ENOX1: variants seen among roughly 807,000 people sequenced by gnomAD.
ENOX1 encodes ecto-NOX disulfide-thiol exchanger 1, also known as candidate growth-related and time keeping constitutive hydroquinone (NADH) oxidase.
ENOX1 carries 42 observed loss-of-function variants against 82.5 expected under a neutral mutation model. That is an observed-to-expected ratio of 0.51 (90% CI 0.40 to 0.66). The LOEUF (loss-of-function observed/expected upper bound fraction) is 0.66, where lower values mean the gene tolerates loss of function less well. Ranked by LOEUF, ENOX1 falls within the 30% of genes least tolerant of loss-of-function variation. The pLI, the probability that ENOX1 is intolerant of heterozygous loss-of-function variation, is 0.00. For missense variants in ENOX1, 608 were observed against 811.6 expected, an observed-to-expected ratio of 0.75 and a Z score of 3.05; for synonymous variants, 271 against 282.2, an observed-to-expected ratio of 0.96 and a Z score of 0.40.
At chr13:43,628,927 A>C (rs1952547) in intron 2 of ENOX1, among the ~76,000 whole-genome samples, 151,067 of 152,268 alleles carry the variant, frequency 0.99, 74,948 homozygotes, top group Middle Eastern at 1. Flanking sequence ...TGAGGGTAGC[A>C]CCATGACCAC....
Position 43,336,104 on chromosome 13 carries a change from G to C in ENOX1, c.1036+8434C>G, listed in dbSNP as rs149194587. Reference sequence around the variant, plus strand: ...TACAGCAATGACTGCTACAGACATGGGCAAACATTTTAACACTTCATAAAA... The same window carrying C: ...TACAGCAATGACTGCTACAGACATGCGCAAACATTTTAACACTTCATAAAA... On this transcript the variant is annotated intron_variant, in intron 9 of 16. Transcript: ENST00000690772. Among the ~76,000 whole-genome samples, 377 of 152,300 alleles carry C rather than the reference G, an allele frequency of 2.5e-3. 2 individuals are homozygous for C. Among genetic ancestry groups the C allele is most frequent in the African/African-American group, 8.3e-3 (345 of 41,556 alleles).
At chr13:43,534,880 C>T (rs1019259117) in intron 2 of ENOX1, among the ~76,000 whole-genome samples, 5 of 152,186 alleles carry the variant, frequency 3.3e-5, no homozygotes, top group Non-Finnish European at 7.3e-5. Flanking sequence ...AAAATGACAA[C>T]AGGTTAAGAA....
At chr13:43,234,109 G>A (rs555728970) in intron 15 of ENOX1, among the ~76,000 whole-genome samples, 13 of 152,254 alleles carry the variant, frequency 8.5e-5, no homozygotes, top group South Asian at 2.1e-4. Flanking sequence ...CTTTATGGAC[G>A]CAAGATTCAG....
At chr13:43,747,709 G>C (rs1301565134) in intron 1 of ENOX1, among the ~76,000 whole-genome samples, 1 of 152,166 alleles carries the variant, frequency 6.6e-6, no homozygotes, top group Non-Finnish European at 1.5e-5. Context: ...AACATTTTGA[G>C]GACCTAGATG....
chr13:43,667,794 G>C (rs2085061411), intron 1 of ENOX1, among the ~76,000 whole-genome samples: 1 of 152,190 alleles, frequency 6.6e-6, no homozygotes, highest in Non-Finnish European at 1.5e-5. Flanking sequence ...ATCTTTCAAA[G>C]AGTATTTCTG....
chr13:43,729,505 TC>T (rs556710323), intron 1 of ENOX1, among the ~76,000 whole-genome samples: 102 of 152,316 alleles, frequency 6.7e-4, no homozygotes, highest in African/African-American at 2.3e-3. Flanking sequence ...GAGTTTTTAA[TC>T]TACTTTTCAT....
At chr13:43,533,790 A>T (rs1443867247) in intron 2 of ENOX1, among the ~76,000 whole-genome samples, 2 of 152,164 alleles carry the variant, frequency 1.3e-5, no homozygotes, top group African/African-American at 4.8e-5. Flanking sequence ...TGGGAGACCT[A>T]CCTAAGTAAC....
At chr13:43,235,997 A>T (rs2042530796) in intron 15 of ENOX1, among the ~76,000 whole-genome samples, 1 of 152,204 alleles carries the variant, frequency 6.6e-6, no homozygotes, top group Non-Finnish European at 1.5e-5. Context: ...CAGGCATCTA[A>T]GATGGGCTTC....
chr13:43,759,257 C>T (rs1322419617), intron 1 of ENOX1, among the ~76,000 whole-genome samples: 5 of 151,806 alleles, frequency 3.3e-5, no homozygotes, highest in African/African-American at 1.2e-4. Flanking sequence ...CCACCACGCC[C>T]GGCTAATTTT....
chr13:43,732,447 T>C (rs186673184), intron 1 of ENOX1, among the ~76,000 whole-genome samples: 31 of 152,332 alleles, frequency 2.0e-4, no homozygotes, highest in African/African-American at 7.5e-4. Flanking sequence ...GCACCTAGAA[T>C]GTGTTTCCAT....
In ENOX1 at chr13:43,654,425, C is replaced by T. The variant is rs139067738; in HGVS notation, c.-219+13054G>A. Among the ~76,000 whole-genome samples the T allele has an allele frequency of 1.0e-3, 158 of 152,278 alleles. 3 individuals carry two copies. The East Asian group carries it at 0.027, about 26-fold the overall frequency. ...CTTAAAATAAATCTCTTCATAAATA[C>T]ATATTTATGTATCTAATGTATAGAT... On this transcript the variant is annotated intron_variant, in intron 2 of 16. Coordinates refer to ENST00000690772, the MANE Select transcript of ENOX1 (RefSeq NM_001347969.2).
intron 11 of ENOX1, among the ~76,000 whole-genome samples, chr13:43,317,792 T>C (rs1464402652): frequency 1.3e-5 from 2 of 151,252 alleles, no homozygotes; most frequent in African/African-American, 4.9e-5. Flanking sequence ...GCTCACTAAG[T>C]CAGGAGATCG....
At chr13:43,759,837 TC>T (rs1210957475) in intron 1 of ENOX1, among the ~76,000 whole-genome samples, 1 of 152,208 alleles carries the variant, frequency 6.6e-6, no homozygotes, top group Non-Finnish European at 1.5e-5. Context: ...TTAGGGCATA[TC>T]CACCCACCCA....
At chr13:43,535,681 C>A (rs755756033) in intron 2 of ENOX1, among the ~76,000 whole-genome samples, 1 of 152,056 alleles carries the variant, frequency 6.6e-6, no homozygotes, top group Non-Finnish European at 1.5e-5. Flanking sequence ...CTACTTGCTC[C>A]CCATGGTATT....
At chr13:43,245,974 G>A (rs894066415) in intron 14 of ENOX1, among the ~76,000 whole-genome samples, 18 of 152,100 alleles carry the variant, frequency 1.2e-4, no homozygotes, top group African/African-American at 4.3e-4. Flanking sequence ...CTCACACGAA[G>A]GACCCTTTAA....
chr13:43,665,750 A>C (rs2153787940), intron 2 of ENOX1, among the ~76,000 whole-genome samples: 1 of 151,752 alleles, frequency 6.6e-6, no homozygotes, highest in East Asian at 1.9e-4. Flanking sequence ...CTCATTTATG[A>C]GGTTGTTTAG....
chr13:43,526,971 T>C (rs138375162), intron 2 of ENOX1, among the ~76,000 whole-genome samples: 49 of 152,146 alleles, frequency 3.2e-4, no homozygotes, highest in Non-Finnish European at 6.6e-4. Flanking sequence ...TCCTCCCCTC[T>C]GGAGGATGCA....
chr13:43,649,369 T>C (rs1431154089), intron 2 of ENOX1, among the ~76,000 whole-genome samples: 2 of 152,186 alleles, frequency 1.3e-5, no homozygotes, highest in African/African-American at 4.8e-5. Context: ...GTTAGTTTGT[T>C]CTACAGATGC....
At chr13:43,727,666 T>C (rs540099507) in intron 1 of ENOX1, among the ~76,000 whole-genome samples, 1 of 152,272 alleles carries the variant, frequency 6.6e-6, no homozygotes, top group South Asian at 2.1e-4. Flanking sequence ...GTAAAAGAGA[T>C]AATTAGGCAA....
Sources: allele counts gnomAD v4.1 joint callset (sites outside exome capture counted in the v4.1 genomes callset), GRCh38; gene constraint gnomAD v4.1.1; transcripts MANE v1.5; gene names NCBI Gene and HGNC (gene_info 2026-07-23, HGNC 2026-07-21).